HNRNPM: variants seen among roughly 807,000 people sequenced by gnomAD.
HNRNPM encodes the protein heterogeneous nuclear ribonucleoprotein M, also known as CEA receptor.
In HNRNPM, 11 loss-of-function variants were observed where a neutral mutation model predicts 73.1. The observed-to-expected ratio is 0.15, with a 90% CI of 0.09 to 0.25. The LOEUF is 0.25. Among genes scored for constraint, HNRNPM ranks in the 10% least tolerant of loss-of-function variants. The probability of loss-of-function intolerance (pLI) is 1.00; values close to 1 mark genes in which losing one functional copy is unlikely to be tolerated. For missense variants in HNRNPM, 789 were observed against 1,067.9 expected, an observed-to-expected ratio of 0.74 and a Z score of 3.64; for synonymous variants, 407 against 355.2, an observed-to-expected ratio of 1.15 and a Z score of -1.64.
chr19:8,465,249 A>G (rs1286948615), intron 5 of HNRNPM, 75 bp from the exon 6 acceptor site: 3 of 1,159,866 alleles, frequency 2.6e-6, no homozygotes, highest in East Asian at 2.6e-5. Context: ...AGTCTTGAGA[A>G]TATCATTTAC....
intron 1 of HNRNPM, 52 bp downstream of exon 1, chr19:8,445,163 A>C: frequency 7.6e-7 from 1 of 1,320,820 alleles, no homozygotes; most frequent in Non-Finnish European, 9.8e-7. Flanking sequence ...TCCGCGGCCG[A>C]CGCGGGCGGC....
At chr19:8,445,204 C>G in intron 1 of HNRNPM, 93 bp downstream of exon 1, 1 of 1,140,322 alleles carries the variant, frequency 8.8e-7, no homozygotes, top group East Asian at 3.2e-5. Flanking sequence ...CGGCCTAGCC[C>G]CGGCGCGGCC....
At position 8,462,692 on chromosome 19, in the gene HNRNPM, A is replaced by C. The variant is rs886523762; in HGVS notation, c.336+111A>C. ...AGGCAGTGAGTGCTCATGTTACAGTAGCTATGTTTGATTTTGCCAAACATT... is the reference window on the plus strand; with the variant it reads ...AGGCAGTGAGTGCTCATGTTACAGTCGCTATGTTTGATTTTGCCAAACATT... On this transcript the variant is annotated intron_variant, in intron 3 of 15. Coordinates refer to ENST00000325495, the MANE Select transcript of HNRNPM (RefSeq NM_005968.5). The surrounding 1 kb of genome is among the most constrained non-coding windows in gnomAD (Gnocchi z 4.5). The C allele has an allele frequency of 6.5e-6, 6 of 917,280 alleles. No homozygotes were observed. Among genetic ancestry groups the C allele is most frequent in the Middle Eastern group, 2.3e-4 (1 of 4,438 alleles). 56.8% of individuals were successfully genotyped at this position (917,280 alleles called of 1,614,324 possible).
At chr19:8,452,936 A>G (rs981553972) in intron 1 of HNRNPM, among the ~76,000 whole-genome samples, 5 of 150,490 alleles carry the variant, frequency 3.3e-5, no homozygotes, top group African/African-American at 1.2e-4. Context: ...GACCTCCTGG[A>G]CTGGAGCCAT....
intron 14 of HNRNPM, 69 bp from the exon 15 acceptor site, chr19:8,486,955 C>A: frequency 8.1e-7 from 1 of 1,240,626 alleles, no homozygotes; most frequent in Non-Finnish European, 1.2e-6. Flanking sequence ...GCCCTCAGAG[C>A]CAGCTGCAAG....
At chr19:8,482,317 T>C (rs558139625) in intron 12 of HNRNPM, among the ~76,000 whole-genome samples, 57 of 152,188 alleles carry the variant, frequency 3.7e-4, no homozygotes, top group Non-Finnish European at 6.2e-4. Context: ...TCGTGGCTAA[T>C]GTCCAAGTTG....
At chr19:8,486,450 G>T in intron 14 of HNRNPM, 45 bp downstream of exon 14, 2 of 1,477,470 alleles carry the variant, frequency 1.4e-6, no homozygotes, top group Non-Finnish European at 1.8e-6. Flanking sequence ...GAGCATGAGG[G>T]GACAGGGGAG....
rs750427819 is a variant in HNRNPM, at chr19:8,485,814, C to T, written c.1386C>T (p.Leu462=). 1.0e-5 allele frequency: 16 copies of T among 1,601,882 alleles called. No individual in the cohort carries two copies. Among genetic ancestry groups the T allele is most frequent in the Middle Eastern group, 1.6e-4 (1 of 6,064 alleles). The part of the protein sequence containing the change: ...SGIERMGPLG[L]DHMASSIERM... ...TTGAGCGCATGGGCCCGCTGGGCCT[C>T]GACCACATGGCCTCCAGCATTGAGC... The change falls in exon 14 of 16, where the codon CTC becomes CTT. Residue 462 remains leucine, a synonymous_variant. Coordinates refer to ENST00000325495, the MANE Select transcript of HNRNPM (RefSeq NM_005968.5).
intron 1 of HNRNPM, 53 bp from the exon 2 acceptor site, chr19:8,455,352 C>T (rs750963602): frequency 4.2e-6 from 6 of 1,416,532 alleles, no homozygotes; most frequent in African/African-American, 2.9e-5. Flanking sequence ...TTATCTTTCA[C>T]ATTGTGCTGA....
intron 1 of HNRNPM, among the ~76,000 whole-genome samples, chr19:8,446,321 C>T (rs1214729526): frequency 6.6e-6 from 1 of 152,172 alleles, no homozygotes; most frequent in African/African-American, 2.4e-5. Context: ...GTTTTCTTTC[C>T]TTTCTGTCTG....
intron 13 of HNRNPM, among the ~76,000 whole-genome samples, chr19:8,483,566 T>C (rs1268719081): frequency 6.6e-6 from 1 of 152,218 alleles, no homozygotes; most frequent in East Asian, 1.9e-4. Flanking sequence ...AAAGTAAATA[T>C]ATTTTCCTTA....
At position 8,485,873 on chromosome 19, in the gene HNRNPM, G is replaced by A; in HGVS notation, c.1445G>A (p.Gly482Asp). 1 of 1,603,970 alleles carries A rather than the reference G, an allele frequency of 6.2e-7. No homozygotes were observed. Among genetic ancestry groups the A allele is most frequent in the Non-Finnish European group, 8.5e-7 (1 of 1,179,516 alleles). ...CAGACCATGGAGCGCATTGGCTCTG[G>A]CGTGGAGCGCATGGGTGCCGGCATG... ...MGQTMERIGS[G>D]VERMGAGMGF... Residue 482 changes from glycine to aspartate, a missense_variant, in exon 14 of 16, where the codon GGC (glycine) becomes GAC (aspartate). Gly to Asp is a moderately conservative substitution (Grantham distance 94). This residue lies in a region of HNRNPM where 604 missense variants were observed against 744.0 expected (regional missense o/e 0.81). Coordinates refer to ENST00000325495, the MANE Select transcript of HNRNPM (RefSeq NM_005968.5).
chr19:8,470,260 G>A (rs1222135025), intron 9 of HNRNPM, among the ~76,000 whole-genome samples: 4 of 152,232 alleles, frequency 2.6e-5, no homozygotes, highest in Non-Finnish European at 2.9e-5. Context: ...CAGATGAAAC[G>A]CCTGGGAAGT....
At chr19:8,465,277 C>G in intron 5 of HNRNPM, 47 bp from the exon 6 acceptor site, 1 of 1,435,448 alleles carries the variant, frequency 7.0e-7, no homozygotes, top group Non-Finnish European at 9.5e-7. Flanking sequence ...GCATGGTTTG[C>G]GTTGTACTGG....
chr19:8,488,765 C>G lies in HNRNPM; in HGVS notation c.2104C>G (p.Pro702Ala), dbSNP rs769415833. The change falls in exon 16 of 16, where the codon CCA becomes GCA. Residue 702 changes from proline to alanine, a missense_variant. Coordinates refer to ENST00000325495, the MANE Select transcript of HNRNPM (RefSeq NM_005968.5). Reference sequence around the variant, plus strand: ...GTGTGGCGTGGTTAAGTTCGAGTCGCCAGAGGTGGCCGAGAGAGCCTGCCG... The same window carrying G: ...GTGTGGCGTGGTTAAGTTCGAGTCGGCAGAGGTGGCCGAGAGAGCCTGCCG... ...KGCGVVKFES[P>A]EVAERACRMM... 2.5e-6 allele frequency: 4 copies of G among 1,614,090 alleles called. No individual in the cohort carries two copies. The highest frequency in any genetic ancestry group is 3.4e-6 in the Non-Finnish European group (4 of 1,180,016).
chr19:8,462,303 T>C lies in HNRNPM; in HGVS notation c.284-226T>C, dbSNP rs1381296978. ...TGATACGGAAATCTGTGGAATAGCT[T>C]GTTTGTGGTGGGAGGAAAATCAAGG... On this transcript the variant is annotated intron_variant, in intron 2 of 15. Transcript: ENST00000325495. This position sits in a 1 kb window ranked among gnomAD's most constrained non-coding sequence, Gnocchi z 4.5. 2.0e-6 allele frequency: 1 copy of C among 500,496 alleles called. No individual in the cohort carries two copies. The highest frequency in any genetic ancestry group is 3.6e-6 in the Non-Finnish European group (1 of 274,574). 31.0% of individuals were successfully genotyped at this position (500,496 alleles called of 1,614,324 possible). A position where few individuals can be genotyped will look rare whatever the true frequency, so the allele number is the denominator to read the frequency against.
At chr19:8,481,254 C>T (rs59372292) in intron 12 of HNRNPM, among the ~76,000 whole-genome samples, 24,903 of 152,204 alleles carry the variant, frequency 0.16, 2,708 homozygotes, top group East Asian at 0.46. Context: ...CTTGGGACAT[C>T]GCCAGAGGTC....
At chr19:8,478,290 A>G (rs141650369) in intron 12 of HNRNPM, among the ~76,000 whole-genome samples, 2 of 152,314 alleles carry the variant, frequency 1.3e-5, no homozygotes, top group East Asian at 3.9e-4. Context: ...AGAGTTAAAC[A>G]TGCTGACTTG....
At chr19:8,482,927 C>T (rs955521728) in intron 12 of HNRNPM, 18 of 510,050 alleles carry the variant, frequency 3.5e-5, no homozygotes, top group Non-Finnish European at 5.9e-5. Flanking sequence ...TGACCCCGCA[C>T]GCTGGGCCTC....
Sources: gnomAD v4.1 joint callset for allele counts (sites outside exome capture counted in the v4.1 genomes callset) on GRCh38, gnomAD v4.1.1 for gene constraint, gnomAD v4.1.1 regional missense constraint, Gnocchi (gnomAD v3.1) non-coding constraint, MANE v1.5 for transcripts, NCBI Gene and HGNC (gene_info 2026-07-23, HGNC 2026-07-21) for gene names.